The following NT5C3A variants were observed in gnomAD, a reference collection of about 807,000 sequenced individuals.
NT5C3A encodes 5'-nucleotidase, cytosolic IIIA.
A neutral mutation model predicts 40.0 loss-of-function variants in NT5C3A; 23 were observed. That is an observed-to-expected ratio of 0.58 (90% CI 0.41 to 0.81). NT5C3A has a LOEUF of 0.81. Among genes scored for constraint, NT5C3A ranks in the 40% least tolerant of loss-of-function variants. The pLI is 0.00. For synonymous variants in NT5C3A, 130 were observed against 141.4 expected, an observed-to-expected ratio of 0.92 and a Z score of 0.57; for missense variants, 328 against 403.0, an observed-to-expected ratio of 0.81 and a Z score of 1.59.
chr7:33,043,190 C>T (rs893028975), intron 1 of NT5C3A, among the ~76,000 whole-genome samples: 1 of 152,188 alleles, frequency 6.6e-6, no homozygotes, highest in Non-Finnish European at 1.5e-5. Flanking sequence ...CACAGTACTG[C>T]TCCATGAGCT....
intron 1 of NT5C3A, among the ~76,000 whole-genome samples, chr7:33,037,607 G>A (rs531928002): frequency 6.6e-6 from 1 of 152,234 alleles, no homozygotes; most frequent in East Asian, 1.9e-4. Context: ...TTAAGTCCAT[G>A]AAATTACAAA....
At chr7:33,051,138 C>T (rs1320961991) in intron 1 of NT5C3A, among the ~76,000 whole-genome samples, 2 of 151,732 alleles carry the variant, frequency 1.3e-5, no homozygotes, top group African/African-American at 4.8e-5. Context: ...ATATGTAATA[C>T]CTGAACTATT....
intron 1 of NT5C3A, chr7:33,029,802 A>C (rs909632169): frequency 3.8e-6 from 3 of 796,960 alleles, no homozygotes; most frequent in Non-Finnish European, 5.5e-6. Flanking sequence ...CCTGGGCTCA[A>C]GTGATCTCCC....
intron 6 of NT5C3A, among the ~76,000 whole-genome samples, chr7:33,018,624 G>A (rs780823884): frequency 3.3e-5 from 5 of 152,072 alleles, no homozygotes; most frequent in East Asian, 1.9e-4. Context: ...GCGGAGATGC[G>A]CAGATCACAA....
intron 2 of NT5C3A, among the ~76,000 whole-genome samples, chr7:33,025,056 T>G (rs1483031821): frequency 6.6e-6 from 1 of 152,130 alleles, no homozygotes; most frequent in Non-Finnish European, 1.5e-5. Flanking sequence ...GGAGAATCAC[T>G]TGAACCTGGG....
chr7:33,029,716 T>TA (rs1213442646), intron 1 of NT5C3A: 1 of 1,282,516 alleles, frequency 7.8e-7, no homozygotes, highest in Non-Finnish European at 1.0e-6. Flanking sequence ...TCTGCTACAC[T>TA]AACAAATGTA....
chr7:33,017,503 C>G lies in NT5C3A; in HGVS notation c.629G>C (p.Arg210Pro). ...ATTGGGATGATAAACACCAGCTTGACGAATAACTTCCTCTAGTACATCGCC... is the reference window on the plus strand; with the variant it reads ...ATTGGGATGATAAACACCAGCTTGAGGAATAACTTCCTCTAGTACATCGCC... ...GIGDVLEEVIRQAGVYHPNVK... is the reference protein window; with the variant it reads ...GIGDVLEEVIPQAGVYHPNVK... Residue 210 changes from arginine to proline, a missense_variant, in exon 7 of 9, where the codon CGT becomes CCT. Coordinates refer to ENST00000610140, the MANE Select transcript of NT5C3A (RefSeq NM_001002010.5). The G allele has an allele frequency of 6.2e-7, 1 of 1,613,596 alleles. No homozygotes were observed.
intron 8 of NT5C3A, 122 bp downstream of exon 8, chr7:33,015,548 G>C (rs567974413): frequency 1.5e-6 from 1 of 662,390 alleles, no homozygotes; most frequent in African/African-American, 1.8e-5. Flanking sequence ...CGGTAACAGA[G>C]GCTTGTCTCA....
At chr7:33,017,746 T>TGTA in intron 6 of NT5C3A, 145 bp from the exon 7 acceptor site, 1 of 713,984 alleles carries the variant, frequency 1.4e-6, no homozygotes, top group Non-Finnish European at 2.5e-6. Flanking sequence ...GGGCTGTTAT[T>TGTA]GATATCTACA....
chr7:33,048,717 T>C (rs547940155), intron 1 of NT5C3A, among the ~76,000 whole-genome samples: 17 of 152,310 alleles, frequency 1.1e-4, no homozygotes, highest in Admixed American at 4.6e-4. Flanking sequence ...ATGGCAGGCA[T>C]TCAGGGGATC....
intron 7 of NT5C3A, 149 bp from the exon 8 acceptor site, chr7:33,016,019 T>G: frequency 3.1e-6 from 2 of 654,766 alleles, no homozygotes; most frequent in South Asian, 1.8e-5. Context: ...CTTAAGTCCA[T>G]CACATTCACC....
At chr7:33,018,039 C>T (rs1013119275) in intron 6 of NT5C3A, among the ~76,000 whole-genome samples, 4 of 152,056 alleles carry the variant, frequency 2.6e-5, no homozygotes, top group African/African-American at 9.7e-5. Context: ...AAAGAGAAAA[C>T]AATAGTTAAG....
chr7:33,021,993 T>A, intron 4 of NT5C3A, 60 bp downstream of exon 4: 1 of 971,344 alleles, frequency 1.0e-6, no homozygotes, highest in Middle Eastern at 2.1e-4. Flanking sequence ...CCTGAAGAAA[T>A]TCTCAGGCAA....
At chr7:33,039,263 T>A (rs548573654) in intron 1 of NT5C3A, among the ~76,000 whole-genome samples, 9 of 152,238 alleles carry the variant, frequency 5.9e-5, no homozygotes, top group African/African-American at 2.2e-4. Context: ...AGTACCTGAA[T>A]GCAAACTGAT....
At chr7:33,053,698 A>G (rs1787461394) in intron 1 of NT5C3A, among the ~76,000 whole-genome samples, 1 of 152,118 alleles carries the variant, frequency 6.6e-6, no homozygotes, top group African/African-American at 2.4e-5. Context: ...GAAAGAAAGA[A>G]AGAAGTAATG....
intron 1 of NT5C3A, among the ~76,000 whole-genome samples, chr7:33,047,996 A>ATG (rs10582277): frequency 1.3e-3 from 196 of 150,546 alleles, no homozygotes; most frequent in East Asian, 4.3e-3. Context: ...TTATATGTGT[A>ATG]TGTGTGTGTG....
At chr7:33,054,789 G>A (rs929023142) in intron 1 of NT5C3A, among the ~76,000 whole-genome samples, 9 of 152,242 alleles carry the variant, frequency 5.9e-5, no homozygotes, top group Admixed American at 3.3e-4. Flanking sequence ...TCATGTCAGC[G>A]TTCAAAAAGC....
intron 1 of NT5C3A, among the ~76,000 whole-genome samples, chr7:33,049,433 C>T (rs1173762680): frequency 1.3e-5 from 2 of 152,130 alleles, no homozygotes; most frequent in Non-Finnish European, 2.9e-5. Flanking sequence ...CCACCCCATT[C>T]CCTTACAAGA....
intron 1 of NT5C3A, among the ~76,000 whole-genome samples, chr7:33,056,294 TA>T (rs948154187): frequency 4.6e-5 from 7 of 151,748 alleles, no homozygotes; most frequent in African/African-American, 1.5e-4. Flanking sequence ...TAAAAAGTCA[TA>T]AATCTAAGCA....
Sources: allele counts gnomAD v4.1 joint callset (sites outside exome capture counted in the v4.1 genomes callset), GRCh38; gene constraint gnomAD v4.1.1; transcripts MANE v1.5; gene names NCBI Gene and HGNC (gene_info 2026-07-23, HGNC 2026-07-21).